Variants in KAZN observed in about 807,000 individuals in gnomAD.
KAZN encodes kazrin.
KAZN carries 40 observed loss-of-function variants against 87.4 expected under a neutral mutation model. That is an observed-to-expected ratio of 0.46 (90% CI 0.36 to 0.60). The LOEUF (loss-of-function observed/expected upper bound fraction) is 0.60, where lower values mean the gene tolerates loss of function less well. KAZN is among the 20% of genes least tolerant of loss of function. The probability of loss-of-function intolerance (pLI) is 0.00; values close to 1 mark genes in which losing one functional copy is unlikely to be tolerated. For synonymous variants in KAZN, 466 were observed against 458.3 expected (o/e 1.02, Z -0.22); for missense variants, 898 against 1,073.9 (o/e 0.84, Z 2.29).
intron 1 of KAZN, among the ~76,000 whole-genome samples, chr1:14,884,190 G>T (rs984972504): frequency 6.6e-6 from 1 of 152,048 alleles, no homozygotes; most frequent in South Asian, 2.1e-4. Flanking sequence ...CCGGGTGATC[G>T]AGACCATCCT....
chr1:13,901,438 G>C lies in KAZN; in HGVS notation c.91+7682G>C, dbSNP rs569492262. 2.6e-5 allele frequency among the ~76,000 whole-genome samples: 4 copies of C among 152,346 alleles called. No homozygotes were observed. The South Asian group carries it at 6.2e-4, about 24-fold the overall frequency. ...TTGGTCTGAAACAAGGGGCCGGACAGGTCAGGTGAGCTGGGTGCCACTTCT... is the reference window on the plus strand; with the variant it reads ...TTGGTCTGAAACAAGGGGCCGGACACGTCAGGTGAGCTGGGTGCCACTTCT... On this transcript the variant is annotated intron_variant, in intron 1 of 16. Coordinates refer to the KAZN transcript ENST00000636203.
intron 2 of KAZN, among the ~76,000 whole-genome samples, chr1:14,507,172 C>T (rs772173110): frequency 8.5e-5 from 13 of 152,188 alleles, no homozygotes; most frequent in Non-Finnish European, 1.5e-4. Flanking sequence ...TCATTGTGGG[C>T]CAGGTCCTTA....
chr1:13,988,632 T>G (rs1271270550), intron 1 of KAZN, among the ~76,000 whole-genome samples: 1 of 152,218 alleles, frequency 6.6e-6, no homozygotes, highest in East Asian at 1.9e-4. Flanking sequence ...GGGTCTCATT[T>G]AATCACAAGA....
intron 1 of KAZN, among the ~76,000 whole-genome samples, chr1:14,927,643 G>A (rs892458698): frequency 1.3e-5 from 2 of 152,148 alleles, no homozygotes; most frequent in Non-Finnish European, 2.9e-5. Context: ...TAGTATCTTT[G>A]TAGACGAGGC....
At chr1:14,211,290 G>C (rs934294243) in intron 2 of KAZN, among the ~76,000 whole-genome samples, 1 of 152,046 alleles carries the variant, frequency 6.6e-6, no homozygotes, top group Non-Finnish European at 1.5e-5. Flanking sequence ...GCACAATCTC[G>C]ACTCACTGCA....
chr1:14,685,206 A>G (rs1272839403), intron 1 of KAZN, among the ~76,000 whole-genome samples: 1 of 152,222 alleles, frequency 6.6e-6, no homozygotes, highest in East Asian at 1.9e-4. Context: ...GCCAGCTCCC[A>G]CTGGGAGAAT....
chr1:14,155,411 T>A (rs138891772), intron 1 of KAZN, among the ~76,000 whole-genome samples: 3 of 152,248 alleles, frequency 2.0e-5, no homozygotes, highest in African/African-American at 7.2e-5. Flanking sequence ...TTTATTTGGA[T>A]CTTCTCTCTT....
intron 1 of KAZN, among the ~76,000 whole-genome samples, chr1:14,724,741 G>A (rs77310241): frequency 1.2e-3 from 188 of 152,318 alleles, no homozygotes; most frequent in African/African-American, 4.3e-3. Flanking sequence ...TCCCTTCTGC[G>A]GGTTGCCCCG....
intron 2 of KAZN, among the ~76,000 whole-genome samples, chr1:14,257,552 A>G (rs1036656438): frequency 7.1e-5 from 10 of 141,020 alleles, no homozygotes; most frequent in African/African-American, 2.5e-4. Flanking sequence ...GCCCATGCCT[A>G]TGTCCTGAAT....
chr1:14,510,044 T>C (rs982818588), intron 2 of KAZN, among the ~76,000 whole-genome samples: 6 of 152,048 alleles, frequency 3.9e-5, no homozygotes, highest in African/African-American at 1.4e-4. Flanking sequence ...GTTAGAAAAG[T>C]AGGTGGTGCC....
chr1:14,645,727 A>G (rs1572125532), intron 1 of KAZN, among the ~76,000 whole-genome samples: 3 of 152,250 alleles, frequency 2.0e-5, no homozygotes, highest in East Asian at 3.9e-4. Context: ...TCCTATTTGG[A>G]TGCCCTTTAT....
At chr1:14,225,677 A>C (rs1647244135) in intron 2 of KAZN, among the ~76,000 whole-genome samples, 1 of 152,164 alleles carries the variant, frequency 6.6e-6, no homozygotes, top group South Asian at 2.1e-4. Flanking sequence ...AAACAGACAC[A>C]TAGGCCAATG....
At chr1:14,149,052 T>C (rs2101793120) in intron 1 of KAZN, among the ~76,000 whole-genome samples, 1 of 106,754 alleles carries the variant, frequency 9.4e-6, no homozygotes, top group East Asian at 2.2e-4. Flanking sequence ...CCTGCCTGCC[T>C]GCCTTCCTGC....
chr1:13,941,663 TTC>T (rs1358685110), intron 1 of KAZN, among the ~76,000 whole-genome samples: 1 of 152,186 alleles, frequency 6.6e-6, no homozygotes, highest in Non-Finnish European at 1.5e-5. Context: ...CAGATTTTCT[TTC>T]TGTTAATGGA....
intron 2 of KAZN, among the ~76,000 whole-genome samples, chr1:14,522,856 A>G (rs1439762264): frequency 6.6e-6 from 1 of 152,160 alleles, no homozygotes; most frequent in African/African-American, 2.4e-5. Flanking sequence ...AAGCAGCTTA[A>G]TTTCAATCGT....
intron 1 of KAZN, among the ~76,000 whole-genome samples, chr1:14,799,996 T>C (rs1268404549): frequency 6.6e-6 from 1 of 152,178 alleles, no homozygotes; most frequent in Non-Finnish European, 1.5e-5. Context: ...ATTTTGGAGA[T>C]GTTGTCAGAC....
chr1:13,951,950 A>G (rs1177576831), intron 1 of KAZN, among the ~76,000 whole-genome samples: 1 of 152,184 alleles, frequency 6.6e-6, no homozygotes, highest in Non-Finnish European at 1.5e-5. Context: ...TCAGTTGGGT[A>G]GTTTTAGTAA....
intron 1 of KAZN, among the ~76,000 whole-genome samples, chr1:13,979,741 A>G (rs1315368202): frequency 6.6e-6 from 1 of 152,150 alleles, no homozygotes; most frequent in East Asian, 1.9e-4. Context: ...ATCCTGGCTA[A>G]CATGGTGAAA....
In KAZN at chr1:15,105,276, G is replaced by A. The variant is rs59700146; in HGVS notation, c.2048+1087G>A. 7.0e-3 allele frequency among the ~76,000 whole-genome samples: 1,061 copies of A among 152,302 alleles called. 15 individuals are homozygous for A. The highest frequency in any genetic ancestry group is 0.024 in the African/African-American group (1,008 of 41,556). ...TAGACATTTGGTAGAATTCACCAGCGAAGCCATCTGGTCTTAGGCTTTTCT... is the reference window on the plus strand; with the variant it reads ...TAGACATTTGGTAGAATTCACCAGCAAAGCCATCTGGTCTTAGGCTTTTCT... On this transcript the variant is annotated intron_variant, in intron 13 of 14. Transcript: ENST00000376030.
Sources: gnomAD v4.1 joint callset for allele counts (sites outside exome capture counted in the v4.1 genomes callset) on GRCh38, gnomAD v4.1.1 for gene constraint, MANE v1.5 for transcripts, NCBI Gene and HGNC (gene_info 2026-07-23, HGNC 2026-07-21) for gene names.